The following TTBK2 variants were observed in gnomAD, a reference collection of about 807,000 sequenced individuals.
TTBK2 encodes tau-tubulin kinase 2.
TTBK2 carries 28 observed loss-of-function variants against 110.8 expected under a neutral mutation model. That is an observed-to-expected ratio of 0.25 (90% confidence interval 0.19 to 0.35). The LOEUF (loss-of-function observed/expected upper bound fraction) is 0.35, where lower values mean the gene tolerates loss of function less well. TTBK2 is among the 10% of genes least tolerant of loss of function. The pLI, the probability that TTBK2 is intolerant of heterozygous loss-of-function variation, is 1.00. For synonymous variants in TTBK2, 532 were observed against 527.3 expected (o/e 1.01, Z -0.12); for missense variants, 1,369 against 1,500.3 (o/e 0.91, Z 1.45).
At chr15:42,874,047 T>C (rs1007419503) in intron 2 of TTBK2, among the ~76,000 whole-genome samples, 3 of 152,368 alleles carry the variant, frequency 2.0e-5, no homozygotes, top group Admixed American at 6.5e-5. Context: ...ATACCTCAGA[T>C]AGCACTTGTA....
chr15:42,763,165 T>TACATATATACATAC (rs1567008852), intron 13 of TTBK2, among the ~76,000 whole-genome samples: 1 of 12,768 alleles, frequency 7.8e-5, no homozygotes, highest in Non-Finnish European at 1.5e-4. Context: ...TACATATATA[T>TACATATATACATAC]ATATATATAT....
intron 1 of TTBK2, among the ~76,000 whole-genome samples, chr15:42,885,393 T>C (rs1424564012): frequency 2.0e-5 from 3 of 152,380 alleles, no homozygotes; most frequent in South Asian, 2.1e-4. Context: ...CCTTTCAATC[T>C]TGGCGTCACC....
intron 9 of TTBK2, among the ~76,000 whole-genome samples, chr15:42,803,940 T>C (rs1363547579): frequency 6.8e-5 from 10 of 147,524 alleles, no homozygotes; most frequent in African/African-American, 2.5e-4. Flanking sequence ...GATGAGAGGA[T>C]TGCTTTAACC....
chr15:42,781,396 A>G (rs1490630371), intron 11 of TTBK2, among the ~76,000 whole-genome samples: 1 of 152,040 alleles, frequency 6.6e-6, no homozygotes, highest in Non-Finnish European at 1.5e-5. Context: ...TAACAGAGAT[A>G]TTCATTACCT....
intron 1 of TTBK2, among the ~76,000 whole-genome samples, chr15:42,882,236 A>G (rs537595830): frequency 2.0e-5 from 3 of 151,872 alleles, no homozygotes; most frequent in East Asian, 3.9e-4. Flanking sequence ...CACACACACA[A>G]AAACAACTCT....
Position 42,810,642 on chromosome 15 carries a change from AAAG to A in TTBK2, c.791_793del (p.Ser264del). 6.2e-7 allele frequency: 1 copy of A among 1,614,020 alleles called. No individual in the cohort carries two copies. Among genetic ancestry groups the A allele is most frequent in the Non-Finnish European group, 8.5e-7 (1 of 1,179,928 alleles). On this transcript the variant is annotated inframe_deletion, in exon 9 of 15. Coordinates refer to ENST00000267890, the MANE Select transcript of TTBK2 (RefSeq NM_173500.4). ...GTAGTCTGGTTTTGTAAAATAATCC[AAAG>A]AAGAGATATGGTCTAGAAAGATGCT...
chr15:42,912,858 G>A (rs57880396), intron 1 of TTBK2, among the ~76,000 whole-genome samples: 8,105 of 152,118 alleles, frequency 0.053, 673 homozygotes, highest in African/African-American at 0.18. Context: ...GGGCGCGGTG[G>A]CTCACGCCTG....
intron 1 of TTBK2, among the ~76,000 whole-genome samples, chr15:42,881,601 C>T (rs1031675298): frequency 2.6e-5 from 4 of 151,952 alleles, no homozygotes; most frequent in East Asian, 1.9e-4. Flanking sequence ...AGGCCAGGCG[C>T]GGTGGCTCAT....
chr15:42,810,146 T>C (rs750187010), intron 9 of TTBK2, among the ~76,000 whole-genome samples: 25 of 152,116 alleles, frequency 1.6e-4, no homozygotes, highest in Non-Finnish European at 2.9e-4. Flanking sequence ...CATTAACTGA[T>C]GCTCTAAGGA....
chr15:42,778,552 C>T (rs1890035058), intron 11 of TTBK2, among the ~76,000 whole-genome samples: 1 of 152,138 alleles, frequency 6.6e-6, no homozygotes, highest in Non-Finnish European at 1.5e-5. Context: ...CCTGTAATCC[C>T]AGCTACTCAG....
rs1019730546 is a variant in TTBK2 at position 42,895,539 on chromosome 15, AT to A, written c.-67-16856del. The stretch of plus-strand genomic sequence containing the variant: ...AAAATAGAATGTATACATCAAAAAG[AT>A]TTTTTTTTTTTTTTTGAGATGGAGT... On this transcript the variant is annotated intron_variant, in intron 1 of 14. Coordinates refer to ENST00000267890, the MANE Select transcript of TTBK2 (RefSeq NM_173500.4). Among the ~76,000 whole-genome samples the A allele has an allele frequency of 4.3e-3, 612 of 142,086 alleles. 1 individual carries two copies. The highest frequency in any genetic ancestry group is 5.7e-3 in the Admixed American group (80 of 14,086). The allele number at this position is 142,086 out of a possible 152,430, so 93.2% of individuals were successfully genotyped here.
intron 13 of TTBK2, 78 bp downstream of exon 13, chr15:42,775,057 A>T: frequency 6.8e-7 from 1 of 1,466,632 alleles, no homozygotes; most frequent in Non-Finnish European, 9.4e-7. Flanking sequence ...GAAGTATCTT[A>T]GTTGATCAAC....
intron 4 of TTBK2, among the ~76,000 whole-genome samples, chr15:42,833,818 G>A (rs1892876050): frequency 6.6e-6 from 1 of 152,024 alleles, no homozygotes; most frequent in South Asian, 2.1e-4. Context: ...GACCATCCTG[G>A]CCAACATGGT....
chr15:42,761,652 C>T (rs997487854), intron 13 of TTBK2, among the ~76,000 whole-genome samples: 2 of 149,902 alleles, frequency 1.3e-5, no homozygotes, highest in African/African-American at 4.9e-5. Flanking sequence ...AGACATTTCT[C>T]AAAAGAAGAT....
At chr15:42,819,558 T>A (rs1176827688) in intron 6 of TTBK2, among the ~76,000 whole-genome samples, 1 of 152,228 alleles carries the variant, frequency 6.6e-6, no homozygotes, top group East Asian at 1.9e-4. Context: ...CTGTATTTAA[T>A]GGCAAGTCTC....
intron 6 of TTBK2, among the ~76,000 whole-genome samples, chr15:42,823,794 G>A (rs964873638): frequency 3.3e-5 from 5 of 151,302 alleles, no homozygotes; most frequent in African/African-American, 4.9e-5. Context: ...TGTGGCCCAA[G>A]ACAATTCTTC....
chr15:42,874,921 G>GT (rs1199776386), intron 2 of TTBK2, among the ~76,000 whole-genome samples: 2 of 150,692 alleles, frequency 1.3e-5, no homozygotes, highest in East Asian at 3.9e-4. Context: ...GGGAGGCAGA[G>GT]GTTGCAGTGA....
intron 1 of TTBK2, among the ~76,000 whole-genome samples, chr15:42,897,605 A>C (rs1046361447): frequency 6.6e-6 from 1 of 152,172 alleles, no homozygotes; most frequent in Non-Finnish European, 1.5e-5. Context: ...GCCATTATTG[A>C]TTAGCTGGTC....
chr15:42,884,673 T>G (rs1190047065), intron 1 of TTBK2, among the ~76,000 whole-genome samples: 1 of 152,168 alleles, frequency 6.6e-6, no homozygotes, highest in Non-Finnish European at 1.5e-5. Context: ...GTTGAGTAGA[T>G]TTCCAATGGC....
Sources: gnomAD v4.1 joint callset for allele counts (sites outside exome capture counted in the v4.1 genomes callset) on GRCh38, gnomAD v4.1.1 for gene constraint, MANE v1.5 for transcripts, NCBI Gene and HGNC (gene_info 2026-07-23, HGNC 2026-07-21) for gene names.